The following RERE variants were observed in gnomAD, a reference collection of about 807,000 sequenced individuals.
The protein encoded by RERE is arginine-glutamic acid dipeptide repeats protein.
A neutral mutation model predicts 146.1 loss-of-function variants in RERE; 40 were observed. The ratio of observed to expected loss-of-function variants is 0.27; its 90% CI spans 0.21 to 0.36. The LOEUF (loss-of-function observed/expected upper bound fraction) is 0.36. Among genes scored for constraint, RERE ranks in the 10% least tolerant of loss-of-function variants. RERE has a pLI of 1.00. For synonymous variants in RERE, 1,003 were observed against 866.0 expected (o/e 1.16, Z -2.78); for missense variants, 1,933 against 2,138.7 (o/e 0.90, Z 1.90).
intron 10 of RERE, among the ~76,000 whole-genome samples, chr1:8,468,358 G>A (rs978626672): frequency 2.6e-5 from 4 of 152,114 alleles, no homozygotes; most frequent in African/African-American, 9.7e-5. Flanking sequence ...CTAATATCCA[G>A]AACAAGCAGA....
At chr1:8,626,708 C>T (rs1400785307) in intron 2 of RERE, among the ~76,000 whole-genome samples, 1 of 152,186 alleles carries the variant, frequency 6.6e-6, no homozygotes, top group African/African-American at 2.4e-5. Context: ...ACATTCCAAG[C>T]CTGTGATAAG....
rs1641380249 is a variant in RERE at position 8,358,282 on chromosome 1, T to C, written c.4253A>G (p.Gln1418Arg). The change falls in exon 20 of 23, where the codon CAG (glutamine) becomes CGG (arginine). Residue 1418 changes from glutamine (Q) to arginine (R), a missense_variant. Transcript: ENST00000400908. ...SLTSDPLARL[Q>R]MFNVTPHHHQ... ...ATGGTGCGGAGTCACGTTGAACATC[T>C]GCAGTCGGGCCAGGGGATCGCTGGT... The C allele has an allele frequency of 3.7e-6, 6 of 1,613,658 alleles. No individual in the cohort carries two copies. The highest frequency in any genetic ancestry group is 5.1e-6 in the Non-Finnish European group (6 of 1,179,622).
intron 4 of RERE, among the ~76,000 whole-genome samples, chr1:8,565,072 T>C (rs1570445528): frequency 6.6e-6 from 1 of 151,580 alleles, no homozygotes; most frequent in Admixed American, 6.6e-5. Flanking sequence ...GGCTGGGCAG[T>C]GGGGGGAATG....
rs2124351155 is a variant in RERE at position 8,354,859 on chromosome 1, A to C, written c.*228T>G. The C allele has an allele frequency of 1.2e-5, 7 of 574,276 alleles. No individual in the cohort carries two copies. Among genetic ancestry groups the C allele is most frequent in the Non-Finnish European group, 1.8e-5 (6 of 327,286 alleles). The allele number at this position is 574,276 out of a possible 1,614,324, so 35.6% of individuals were successfully genotyped here. The stretch of plus-strand genomic sequence containing the variant: ...TGTTCAGTCCAGTCCAGGACTCACT[A>C]AGTTTCTGGGGGACTGTCATGCAGG... On this transcript the variant is annotated 3_prime_UTR_variant, in exon 23 of 23. Coordinates refer to ENST00000400908, the MANE Select transcript of RERE (RefSeq NM_001042681.2).
At chr1:8,789,301 A>AAAATATATATATATAT in intron 1 of RERE, among the ~76,000 whole-genome samples, 3 of 24,814 alleles carry the variant, frequency 1.2e-4, no homozygotes, top group African/African-American at 6.9e-4. Context: ...AAAAAAAAAA[A>AAAATATATATATATAT]ATATATATAT....
chr1:8,460,706 T>C (rs1237817121), intron 11 of RERE, among the ~76,000 whole-genome samples: 1 of 152,240 alleles, frequency 6.6e-6, no homozygotes, highest in Non-Finnish European at 1.5e-5. Context: ...AAAAACACCC[T>C]GTAGTAACAT....
chr1:8,699,737 G>A (rs78976870), intron 1 of RERE, among the ~76,000 whole-genome samples: 110 of 152,186 alleles, frequency 7.2e-4, no homozygotes, highest in African/African-American at 2.4e-3. Context: ...AAATTATCAC[G>A]TTTTCTAGAA....
At chr1:8,689,290 T>C (rs1027564317) in intron 1 of RERE, among the ~76,000 whole-genome samples, 2 of 152,190 alleles carry the variant, frequency 1.3e-5, no homozygotes, top group African/African-American at 4.8e-5. Flanking sequence ...CTAAAGTTTA[T>C]AGTTTCTGGC....
intron 2 of RERE, among the ~76,000 whole-genome samples, chr1:8,650,631 G>A (rs923403955): frequency 6.6e-6 from 1 of 152,066 alleles, no homozygotes; most frequent in Non-Finnish European, 1.5e-5. Flanking sequence ...AGGAGCAGTG[G>A]CTCACGCCTG....
chr1:8,562,216 T>C (rs930399864), intron 4 of RERE, among the ~76,000 whole-genome samples: 6 of 152,200 alleles, frequency 3.9e-5, no homozygotes, highest in African/African-American at 1.4e-4. Context: ...TTAGTAATAG[T>C]GTCATACAGC....
At chr1:8,672,875 ATCT>A (rs1408319798) in intron 1 of RERE, among the ~76,000 whole-genome samples, 1 of 152,186 alleles carries the variant, frequency 6.6e-6, no homozygotes, top group Non-Finnish European at 1.5e-5. Context: ...AACAAACAAA[ATCT>A]TTAATACTAT....
chr1:8,761,510 C>T (rs1016755488), intron 1 of RERE, among the ~76,000 whole-genome samples: 1 of 152,152 alleles, frequency 6.6e-6, no homozygotes, highest in Non-Finnish European at 1.5e-5. Context: ...TGCTTCACAC[C>T]TCCCCCACAT....
At chr1:8,647,700 C>T (rs964786359) in intron 2 of RERE, among the ~76,000 whole-genome samples, 1 of 149,942 alleles carries the variant, frequency 6.7e-6, no homozygotes, top group Admixed American at 6.6e-5. Context: ...CCAAATACCA[C>T]ATCTTGGTTT....
intron 1 of RERE, among the ~76,000 whole-genome samples, chr1:8,718,341 T>C (rs1030383148): frequency 2.0e-5 from 3 of 152,190 alleles, no homozygotes; most frequent in African/African-American, 7.2e-5. Flanking sequence ...TCCTATTAGT[T>C]TTTAGTCCCC....
chr1:8,651,111 C>T (rs1482831022), intron 2 of RERE, among the ~76,000 whole-genome samples: 1 of 151,680 alleles, frequency 6.6e-6, no homozygotes, highest in African/African-American at 2.4e-5. Flanking sequence ...AAAAAATCTA[C>T]CATTTAAAAA....
At chr1:8,372,903 A>G (rs1345473645) in intron 12 of RERE, among the ~76,000 whole-genome samples, 1 of 152,216 alleles carries the variant, frequency 6.6e-6, no homozygotes, top group Admixed American at 6.5e-5. Flanking sequence ...TTTCTGGGCC[A>G]TGCATCGCCC....
At chr1:8,450,109 G>A (rs1197828859) in intron 11 of RERE, among the ~76,000 whole-genome samples, 3 of 152,090 alleles carry the variant, frequency 2.0e-5, no homozygotes, top group Non-Finnish European at 2.9e-5. Flanking sequence ...TATTCCCAGA[G>A]TTGAGAAGGT....
At chr1:8,683,897 G>A (rs1557479585) in intron 1 of RERE, among the ~76,000 whole-genome samples, 3 of 152,042 alleles carry the variant, frequency 2.0e-5, no homozygotes, top group African/African-American at 7.2e-5. Flanking sequence ...AGCCAAAATG[G>A]CACCACTGCA....
intron 1 of RERE, among the ~76,000 whole-genome samples, chr1:8,745,223 A>G (rs190859077): frequency 6.6e-6 from 1 of 152,114 alleles, no homozygotes; most frequent in Non-Finnish European, 1.5e-5. Context: ...AGGGATTTAT[A>G]AGGGGCTCTT....
Sources: gnomAD v4.1 joint callset for allele counts (sites outside exome capture counted in the v4.1 genomes callset) on GRCh38, gnomAD v4.1.1 for gene constraint, MANE v1.5 for transcripts, NCBI Gene and HGNC (gene_info 2026-07-23, HGNC 2026-07-21) for gene names.